ANKRD28: variants seen among roughly 807,000 people sequenced by gnomAD.
ANKRD28 encodes the protein serine/threonine-protein phosphatase 6 regulatory ankyrin repeat subunit A.
A neutral mutation model predicts 126.5 loss-of-function variants in ANKRD28; 44 were observed. The ratio of observed to expected loss-of-function variants is 0.35; its 90% CI spans 0.27 to 0.45. The LOEUF is 0.45. ANKRD28 is among the 20% of genes least tolerant of loss of function. The pLI is 1.00. For synonymous variants in ANKRD28, 442 were observed against 468.5 expected, an observed-to-expected ratio of 0.94 and a Z score of 0.73; for missense variants, 1,110 against 1,316.6, an observed-to-expected ratio of 0.84 and a Z score of 2.43.
intron 6 of ANKRD28, among the ~76,000 whole-genome samples, chr3:15,729,835 T>C (rs1023875832): frequency 3.9e-5 from 6 of 152,224 alleles, no homozygotes; most frequent in South Asian, 2.1e-4. Context: ...AAATATCTAC[T>C]ATTATGTTTC....
At chr3:15,821,102 T>C (rs539197955) in intron 1 of ANKRD28, among the ~76,000 whole-genome samples, 7 of 152,292 alleles carry the variant, frequency 4.6e-5, no homozygotes, top group African/African-American at 1.7e-4. Flanking sequence ...TAGATGCCAG[T>C]AGCATAACTC....
Position 15,797,558 on chromosome 3 carries a change from TA to T in ANKRD28, c.-1038del, listed in dbSNP as rs545968418. On this transcript the variant is annotated 5_prime_UTR_variant, in exon 1 of 28. The change abolishes the stop of an existing upstream ORF in the 5' untranslated region. Transcript: ENST00000683139. ...ACTGCTTCAGGCTTTTTGTTTTCTTTAAAAAAAAAAAGGGGGGGGAAAAACA... is the reference window on the plus strand; with the variant it reads ...ACTGCTTCAGGCTTTTTGTTTTCTTTAAAAAAAAAAGGGGGGGGAAAAACA... The T allele has an allele frequency of 7.5e-3, 4,825 of 645,196 alleles. No individual in the cohort carries two copies. The highest frequency in any genetic ancestry group is 8.3e-3 in the Non-Finnish European group (4,362 of 523,918). The allele number at this position is 645,196 out of a possible 1,614,324, so 40.0% of individuals were successfully genotyped here.
At chr3:15,819,469 A>G (rs1032661790) in intron 1 of ANKRD28, among the ~76,000 whole-genome samples, 1 of 152,224 alleles carries the variant, frequency 6.6e-6, no homozygotes, top group Admixed American at 6.5e-5. Context: ...CAACTGGATA[A>G]TTCATTTGGA....
At chr3:15,775,461 A>G (rs1321079834) in intron 2 of ANKRD28, among the ~76,000 whole-genome samples, 3 of 152,172 alleles carry the variant, frequency 2.0e-5, no homozygotes, top group Non-Finnish European at 4.4e-5. Context: ...AGATAGCATC[A>G]GATCTCAAAG....
intron 27 of ANKRD28, among the ~76,000 whole-genome samples, chr3:15,673,917 G>A (rs1053105909): frequency 6.6e-6 from 1 of 151,984 alleles, no homozygotes; most frequent in African/African-American, 2.4e-5. Flanking sequence ...TATGAGTGGG[G>A]CCAGGTGGAG....
At chr3:15,755,722 G>A (rs2058117859) in intron 3 of ANKRD28, among the ~76,000 whole-genome samples, 1 of 152,272 alleles carries the variant, frequency 6.6e-6, no homozygotes, top group African/African-American at 2.4e-5. Context: ...GTCGTTAACC[G>A]CCTCTGGTGG....
In ANKRD28 at chr3:15,711,238, G is replaced by A. The variant is rs1354683697; in HGVS notation, c.1310C>T (p.Thr437Ile). The change falls in exon 12 of 28, where the codon ACT (threonine) becomes ATT (isoleucine). Residue 437 changes from threonine (T) to isoleucine (I), a missense_variant. Transcript: ENST00000683139. ...TCCAGCTGCAGCTGCATGTAGACAA[G>A]TCCTGCCAAAATCATCTGGGGTATC... The part of the protein sequence containing the change: ...DIDTPDDFGR[T>I]CLHAAAAGGN... The A allele has an allele frequency of 6.2e-7, 1 of 1,612,504 alleles. No individual in the cohort carries two copies. Among genetic ancestry groups the A allele is most frequent in the Non-Finnish European group, 8.5e-7 (1 of 1,179,128 alleles).
At position 15,854,190 on chromosome 3, in the gene ANKRD28, T is replaced by C. The variant is rs944494825; in HGVS notation, c.27+5187A>G. On this transcript the variant is annotated intron_variant, in intron 1 of 27. Transcript: ENST00000399451. The surrounding 1 kb of genome is among the most constrained non-coding windows in gnomAD (Gnocchi z 4.1). ...AAGGAGGCCCAGCTCAAACGTCCCA[T>C]CACTTACCAATGAAGTCCAAACTTC... Among the ~76,000 whole-genome samples the C allele has an allele frequency of 5.3e-5, 8 of 152,192 alleles. No homozygotes were observed. Among genetic ancestry groups the C allele is most frequent in the African/African-American group, 1.9e-4 (8 of 41,442 alleles).
chr3:15,709,625 T>C (rs1265611988), intron 13 of ANKRD28, 43 bp downstream of exon 13: 4 of 1,345,016 alleles, frequency 3.0e-6, no homozygotes, highest in Non-Finnish European at 4.1e-6. Context: ...ATCAAGTTAT[T>C]AAGTAAAAAT....
chr3:15,826,546 A>C (rs988398672), intron 1 of ANKRD28, among the ~76,000 whole-genome samples: 1 of 152,218 alleles, frequency 6.6e-6, no homozygotes, highest in Non-Finnish European at 1.5e-5. Flanking sequence ...CTAGGAAAAA[A>C]GGGGAGCAGA....
chr3:15,705,593 T>C (rs2071243458), intron 14 of ANKRD28, among the ~76,000 whole-genome samples: 1 of 152,246 alleles, frequency 6.6e-6, no homozygotes, highest in African/African-American at 2.4e-5. Context: ...TATCCAAGTT[T>C]ACCAAAATAT....
At chr3:15,825,857 T>C (rs2061054137) in intron 1 of ANKRD28, among the ~76,000 whole-genome samples, 1 of 152,150 alleles carries the variant, frequency 6.6e-6, no homozygotes, top group Non-Finnish European at 1.5e-5. Flanking sequence ...ATTTTATCTC[T>C]TTAGAAATCC....
intron 21 of ANKRD28, among the ~76,000 whole-genome samples, chr3:15,680,313 T>TTGAA (rs1396278346): frequency 6.6e-6 from 1 of 152,070 alleles, no homozygotes; most frequent in Non-Finnish European, 1.5e-5. Flanking sequence ...CAAGTGATTC[T>TTGAA]CCTGTCTCAG....
At chr3:15,672,830 C>T (rs188778888) in intron 27 of ANKRD28, among the ~76,000 whole-genome samples, 135 of 152,352 alleles carry the variant, frequency 8.9e-4, no homozygotes, top group East Asian at 9.6e-4. Flanking sequence ...GGCTAGAGTG[C>T]ACTGGCATGA....
At chr3:15,753,001 A>C (rs1044674970) in intron 3 of ANKRD28, among the ~76,000 whole-genome samples, 1 of 152,184 alleles carries the variant, frequency 6.6e-6, no homozygotes. Context: ...AATGAGAGAA[A>C]ATAAATGAAA....
At chr3:15,831,191 G>C (rs2061181006) in intron 1 of ANKRD28, among the ~76,000 whole-genome samples, 1 of 152,100 alleles carries the variant, frequency 6.6e-6, no homozygotes, top group South Asian at 2.1e-4. Flanking sequence ...TATCAAATCT[G>C]AGAGTGCACA....
At chr3:15,747,971 G>A (rs538487478) in intron 4 of ANKRD28, among the ~76,000 whole-genome samples, 4 of 152,176 alleles carry the variant, frequency 2.6e-5, no homozygotes, top group South Asian at 2.1e-4. Context: ...CCTAACTGCT[G>A]TTGCTTTAAG....
Position 15,679,473 on chromosome 3 carries a change from T to C in ANKRD28, c.2477+3A>G. ...AAATCTGATTCATTCTGGCTTTACTTACACGGCACAATGCAATGGACTAAA... is the reference window on the plus strand; with the variant it reads ...AAATCTGATTCATTCTGGCTTTACTCACACGGCACAATGCAATGGACTAAA... On this transcript the variant is annotated splice_donor_region_variant and intron_variant, in intron 22 of 27. Coordinates refer to ENST00000683139, the MANE Select transcript of ANKRD28 (RefSeq NM_001349278.2). 2 of 1,613,938 alleles carry C rather than the reference T, an allele frequency of 1.2e-6. No individual in the cohort carries two copies. Among genetic ancestry groups the C allele is most frequent in the Non-Finnish European group, 1.7e-6 (2 of 1,179,848 alleles).
intron 2 of ANKRD28, among the ~76,000 whole-genome samples, chr3:15,788,584 C>A (rs1479547800): frequency 6.6e-6 from 1 of 151,892 alleles, no homozygotes; most frequent in East Asian, 1.9e-4. Flanking sequence ...ACAATTAACA[C>A]CAATTTTAAT....
Sources: allele counts gnomAD v4.1 joint callset (sites outside exome capture counted in the v4.1 genomes callset), GRCh38; gene constraint gnomAD v4.1.1; non-coding constraint Gnocchi (gnomAD v3.1); transcripts MANE v1.5; gene names NCBI Gene and HGNC (gene_info 2026-07-23, HGNC 2026-07-21).